The following PCID2 variants were observed in gnomAD, a reference collection of about 807,000 sequenced individuals.
PCID2 encodes the protein PCI domain containing 2.
PCID2 carries 41 observed loss-of-function variants against 61.3 expected under a neutral mutation model. The observed-to-expected ratio is 0.67, with a 90% confidence interval of 0.52 to 0.87. PCID2 has a LOEUF of 0.87. Ranked by LOEUF, PCID2 falls within the 40% of genes least tolerant of loss-of-function variation. The probability of loss-of-function intolerance (pLI) is 0.00; values close to 1 mark genes in which losing one functional copy is unlikely to be tolerated. For missense variants in PCID2, 392 were observed against 493.4 expected, an observed-to-expected ratio of 0.79 and a Z score of 1.95; for synonymous variants, 187 against 177.8, an observed-to-expected ratio of 1.05 and a Z score of -0.41.
chr13:113,185,103 T>C (rs1457006597), intron 8 of PCID2, among the ~76,000 whole-genome samples: 2 of 152,224 alleles, frequency 1.3e-5, no homozygotes, highest in African/African-American at 4.8e-5. Context: ...TCTTTATCCA[T>C]CTATCCATCT....
rs1417755447 is a variant in PCID2, at chr13:113,202,868, TAGAA to T, written c.37-2356_37-2353del. 1.1e-4 allele frequency among the ~76,000 whole-genome samples: 16 copies of T among 152,222 alleles called. No individual in the cohort carries two copies. In the East Asian group the frequency reaches 2.3e-3, roughly 22 times the overall value. On this transcript the variant is annotated intron_variant, in intron 1 of 13. Coordinates refer to ENST00000337344, the MANE Select transcript of PCID2 (RefSeq NM_001127202.4). Reference sequence around the variant, plus strand: ...TTACAACCCCATTCAAGAAATAAAATAGAAAGACAAACCTTAAAATTGAAACAAA... The same window carrying T: ...TTACAACCCCATTCAAGAAATAAAATAGACAAACCTTAAAATTGAAACAAA...
chr13:113,171,893 C>A, the PCID2 span: 1 of 1,613,740 alleles, frequency 6.2e-7, no homozygotes, highest in Non-Finnish European at 8.5e-7. The surrounding 1 kb of genome is among the most constrained non-coding windows in gnomAD (Gnocchi z 5.1). Flanking sequence ...CGGGCAGGTC[C>A]TGAATGTGAC....
At chr13:113,184,510 T>A in intron 8 of PCID2, 23 bp from the exon 9 acceptor site, 1 of 1,437,176 alleles carries the variant, frequency 7.0e-7, no homozygotes, top group Non-Finnish European at 9.7e-7. Flanking sequence ...ACAATCCATT[T>A]AAAATATTTA....
the PCID2 span, among the ~76,000 whole-genome samples, chr13:113,169,468 C>A: frequency 6.6e-6 from 1 of 152,124 alleles, no homozygotes; most frequent in African/African-American, 2.4e-5. Context: ...TGTTTGTATG[C>A]CGTAATGGAT....
chr13:113,170,203 CT>C, the PCID2 span, among the ~76,000 whole-genome samples: 1 of 149,048 alleles, frequency 6.7e-6, no homozygotes, highest in African/African-American at 2.5e-5. Context: ...CATTTAATCC[CT>C]AAGCAAACAA....
intron 4 of PCID2, among the ~76,000 whole-genome samples, chr13:113,196,803 T>C (rs928688360): frequency 9.2e-5 from 14 of 152,236 alleles, no homozygotes; most frequent in Admixed American, 2.0e-4. Flanking sequence ...TCAATGCCGA[T>C]GTACATCTGA....
Position 113,196,362 on chromosome 13 carries a change from G to C in PCID2, c.267-140C>G, listed in dbSNP as rs2039016427. On this transcript the variant is annotated intron_variant, in intron 4 of 13. Transcript: ENST00000337344. Reference sequence around the variant, plus strand: ...GTTGCAACAATAGTAAGTTCTTGAAGGAAAAAAGGTATAAGCTCACATTAC... The same window carrying C: ...GTTGCAACAATAGTAAGTTCTTGAACGAAAAAAGGTATAAGCTCACATTAC... 3 of 596,382 alleles carry C rather than the reference G, an allele frequency of 5.0e-6. No individual in the cohort carries two copies. In the Admixed American group the frequency reaches 7.6e-5, roughly 15 times the overall value. The allele number at this position is 596,382 out of a possible 1,614,324, so 36.9% of individuals were successfully genotyped here.
chr13:113,190,466 GTGCTGCT>G (rs1485079087), intron 7 of PCID2, among the ~76,000 whole-genome samples: 1 of 152,166 alleles, frequency 6.6e-6, no homozygotes, highest in Non-Finnish European at 1.5e-5. Context: ...AAGGTGATCA[GTGCTGCT>G]TCTTCACTGG....
chr13:113,184,087 C>G (rs1363449281), intron 9 of PCID2: 20 of 860,764 alleles, frequency 2.3e-5, no homozygotes, highest in Non-Finnish European at 2.8e-5. Context: ...ATTCTGAGAA[C>G]AGTCATGCTC....
At chr13:113,185,088 T>C (rs2037986011) in intron 8 of PCID2, among the ~76,000 whole-genome samples, 1 of 152,248 alleles carries the variant, frequency 6.6e-6, no homozygotes, top group Admixed American at 6.5e-5. Context: ...TATGTGGCAA[T>C]GGTTTCTTTA....
chr13:113,170,372 A>C, the PCID2 span: 3 of 1,281,424 alleles, frequency 2.3e-6, no homozygotes, highest in African/African-American at 4.4e-5. Context: ...TAATCCTGCA[A>C]ATTGTCACCA....
intron 1 of PCID2, among the ~76,000 whole-genome samples, chr13:113,202,646 G>A (rs76456095): frequency 6.6e-6 from 1 of 152,246 alleles, no homozygotes; most frequent in African/African-American, 2.4e-5. Context: ...AGAATGCTGC[G>A]TCTTGTATAA....
chr13:113,206,621 T>C (rs998306744), intron 1 of PCID2, among the ~76,000 whole-genome samples: 5 of 152,262 alleles, frequency 3.3e-5, no homozygotes, highest in Non-Finnish European at 2.9e-5. Flanking sequence ...CAAACATGTG[T>C]TACCATGTAT....
At chr13:113,203,893 T>C (rs546688451) in intron 1 of PCID2, among the ~76,000 whole-genome samples, 2 of 152,302 alleles carry the variant, frequency 1.3e-5, no homozygotes, top group South Asian at 4.1e-4. Context: ...AGAAAACCAG[T>C]ATTAGTCAGT....
At chr13:113,199,868 C>T (rs1324305693) in intron 2 of PCID2, among the ~76,000 whole-genome samples, 1 of 152,202 alleles carries the variant, frequency 6.6e-6, no homozygotes, top group Non-Finnish European at 1.5e-5. Flanking sequence ...ATAGATAAGC[C>T]CATTTTTCTT....
At chr13:113,169,911 CTCTGT>C in the PCID2 span, among the ~76,000 whole-genome samples, 1 of 152,222 alleles carries the variant, frequency 6.6e-6, no homozygotes, top group Non-Finnish European at 1.5e-5. Flanking sequence ...CTCTGCCGGA[CTCTGT>C]TCTGCAGGAC....
intron 1 of PCID2, 161 bp from the exon 2 acceptor site, chr13:113,200,677 A>G (rs1480510313): frequency 6.3e-6 from 3 of 472,754 alleles, no homozygotes; most frequent in Non-Finnish European, 1.1e-5. Flanking sequence ...TACTCTCTGC[A>G]GTGGGTAAAC....
chr13:113,205,345 G>A (rs1381631738), intron 1 of PCID2, among the ~76,000 whole-genome samples: 5 of 152,138 alleles, frequency 3.3e-5, no homozygotes, highest in African/African-American at 1.2e-4. Context: ...CCAGCAGGAT[G>A]GCCATAATAA....
At chr13:113,165,430 C>A in the PCID2 span, among the ~76,000 whole-genome samples, 1 of 152,240 alleles carries the variant, frequency 6.6e-6, no homozygotes, top group East Asian at 1.9e-4. Flanking sequence ...GCCTGGCATT[C>A]TAGCTTTGTT....
Sources: gnomAD v4.1 joint callset for allele counts (sites outside exome capture counted in the v4.1 genomes callset) on GRCh38, gnomAD v4.1.1 for gene constraint, Gnocchi (gnomAD v3.1) non-coding constraint, MANE v1.5 for transcripts, NCBI Gene and HGNC (gene_info 2026-07-23, HGNC 2026-07-21) for gene names.